The following COL24A1 variants were observed in gnomAD, a reference collection of about 807,000 sequenced individuals.
COL24A1 encodes collagen alpha-1(XXIV) chain.
In COL24A1, 224 loss-of-function variants were observed where a neutral mutation model predicts 253.9. The observed-to-expected ratio is 0.88, with a 90% CI of 0.79 to 0.99. The LOEUF (loss-of-function observed/expected upper bound fraction) is 0.99. Ranked by LOEUF, COL24A1 falls within the 50% of genes least tolerant of loss-of-function variation. COL24A1 has a pLI of 0.00. For missense variants in COL24A1, 2,131 were observed against 2,068.5 expected (o/e 1.03, Z -0.59); for synonymous variants, 685 against 673.7 (o/e 1.02, Z -0.26).
chr1:85,747,007 C>A (rs1665292127), intron 55 of COL24A1, among the ~76,000 whole-genome samples: 1 of 150,842 alleles, frequency 6.6e-6, no homozygotes, highest in African/African-American at 2.4e-5. Context: ...TAGTGGTTCT[C>A]AAACTCTTCA....
intron 35 of COL24A1, among the ~76,000 whole-genome samples, chr1:85,872,537 C>A (rs536545151): frequency 3.6e-4 from 54 of 152,108 alleles, no homozygotes; most frequent in Non-Finnish European, 4.6e-4. Context: ...AACACCACAT[C>A]TCTACAACCA....
At chr1:85,784,203 A>C in intron 49 of COL24A1, 37 bp from the exon 50 acceptor site, 2 of 1,611,840 alleles carry the variant, frequency 1.2e-6, no homozygotes. Flanking sequence ...ATTATTGTAC[A>C]ATGGCAGCCT....
At chr1:86,045,766 T>C in intron 12 of COL24A1, 1 of 373,230 alleles carries the variant, frequency 2.7e-6, no homozygotes, top group Non-Finnish European at 5.3e-6. Flanking sequence ...GCTTATTTTG[T>C]ATTTCTTGAC....
At position 85,876,479 on chromosome 1, in the gene COL24A1, A is replaced by T. The variant is rs1234557521; in HGVS notation, c.3030+643T>A. Reference sequence around the variant, plus strand: ...ATCTAGGTGGATGTTTAAAAAGATAACAGGAAATCAATAATTGGATCTGAG... The same window carrying T: ...ATCTAGGTGGATGTTTAAAAAGATATCAGGAAATCAATAATTGGATCTGAG... On this transcript the variant is annotated intron_variant, in intron 33 of 59. Transcript: ENST00000370571. Among the ~76,000 whole-genome samples, 4 of 152,188 alleles carry T rather than the reference A, an allele frequency of 2.6e-5. 1 individual carries two copies. In the South Asian group the frequency reaches 6.2e-4, roughly 24 times the overall value.
intron 37 of COL24A1, among the ~76,000 whole-genome samples, chr1:85,854,644 A>T (rs2102375618): frequency 6.6e-6 from 1 of 151,584 alleles, no homozygotes; most frequent in South Asian, 2.1e-4. Flanking sequence ...GATTTCTTTC[A>T]GCAGTGTCTT....
chr1:85,851,024 C>CATATATATATATATCTACAT (rs149854934), intron 37 of COL24A1, among the ~76,000 whole-genome samples: 1 of 146,054 alleles, frequency 6.8e-6, no homozygotes, highest in East Asian at 2.0e-4. Flanking sequence ...TATATATCTA[C>CATATATATATATATCTACAT]ATATATATAT....
intron 24 of COL24A1, among the ~76,000 whole-genome samples, chr1:85,913,949 G>GCTT (rs1685613898): frequency 6.6e-6 from 1 of 152,162 alleles, no homozygotes; most frequent in Non-Finnish European, 1.5e-5. Flanking sequence ...AGTGTTGGAG[G>GCTT]CTTAGAAGTC....
At chr1:86,086,391 C>G (rs1282853554) in intron 7 of COL24A1, among the ~76,000 whole-genome samples, 1 of 152,070 alleles carries the variant, frequency 6.6e-6, no homozygotes, top group Non-Finnish European at 1.5e-5. Flanking sequence ...GCGTGGCAAG[C>G]CCACCCCTGA....
chr1:85,956,142 A>G (rs905849165), intron 24 of COL24A1, among the ~76,000 whole-genome samples: 2 of 152,256 alleles, frequency 1.3e-5, no homozygotes, highest in Non-Finnish European at 2.9e-5. Flanking sequence ...ATTTGGATAC[A>G]TTACATAACT....
chr1:85,737,605 C>A, intron 57 of COL24A1, 100 bp from the exon 58 acceptor site: 1 of 844,102 alleles, frequency 1.2e-6, no homozygotes, highest in South Asian at 2.0e-5. Flanking sequence ...TTCTGTTAGC[C>A]CAGGCTGGAG....
chr1:85,964,033 C>T (rs1037892211), intron 23 of COL24A1, among the ~76,000 whole-genome samples: 2 of 152,136 alleles, frequency 1.3e-5, no homozygotes, highest in South Asian at 2.1e-4. Flanking sequence ...TATATTAAAA[C>T]ATACTTCAGC....
intron 2 of COL24A1, among the ~76,000 whole-genome samples, chr1:86,145,646 G>T (rs1651774139): frequency 6.6e-6 from 1 of 151,892 alleles, no homozygotes; most frequent in Non-Finnish European, 1.5e-5. Flanking sequence ...AACAAAACAG[G>T]TTTAGGTTTA....
In COL24A1 at chr1:85,868,657, G is replaced by A. The variant is rs777337884; in HGVS notation, c.3193-31C>T. The stretch of plus-strand genomic sequence containing the variant: ...ATGCAATAAAAAAGTTTTCTATAAA[G>A]GAATACAGTGAAATAATTATGCCAA... On this transcript the variant is annotated intron_variant, in intron 36 of 59. Coordinates refer to ENST00000370571, the MANE Select transcript of COL24A1 (RefSeq NM_152890.7). 1.9e-6 allele frequency: 3 copies of A among 1,567,206 alleles called. No individual in the cohort carries two copies. In the Admixed American group the frequency reaches 5.1e-5, roughly 27 times the overall value.
At chr1:85,823,454 A>G in intron 45 of COL24A1, 82 bp downstream of exon 45, 2 of 1,281,510 alleles carry the variant, frequency 1.6e-6, no homozygotes, top group Non-Finnish European at 2.3e-6. Context: ...TTTGAATTAC[A>G]ATAAATAGTA....
chr1:85,825,169 C>T (rs191739293), intron 43 of COL24A1, among the ~76,000 whole-genome samples: 4 of 148,850 alleles, frequency 2.7e-5, no homozygotes, highest in Admixed American at 1.4e-4. Context: ...TGAGAATATG[C>T]GGTGTTTGGT....
At position 85,942,034 on chromosome 1, in the gene COL24A1, G is replaced by A. The variant is rs118026531; in HGVS notation, c.2562+19215C>T. On this transcript the variant is annotated intron_variant, in intron 24 of 59. Coordinates refer to ENST00000370571, the MANE Select transcript of COL24A1 (RefSeq NM_152890.7). ...CCACAGTGTACTTAAACATAGGAAC[G>A]TTAAAGTATTTACTTGTTTAAGTTA... 1.5e-3 allele frequency among the ~76,000 whole-genome samples: 224 copies of A among 152,174 alleles called. 3 individuals carry two copies. In the East Asian group the frequency reaches 0.02, roughly 14 times the overall value.
intron 1 of COL24A1, among the ~76,000 whole-genome samples, chr1:86,151,775 A>G (rs1467059241): frequency 2.0e-5 from 3 of 152,208 alleles, no homozygotes; most frequent in Non-Finnish European, 4.4e-5. Flanking sequence ...CTAAGGTATT[A>G]TAACTTATGT....
intron 8 of COL24A1, 29 bp downstream of exon 8, chr1:86,063,686 G>C: frequency 4.1e-6 from 6 of 1,477,160 alleles, no homozygotes; most frequent in Non-Finnish European, 5.5e-6. Flanking sequence ...TTTCACACAT[G>C]ATACAAGTCT....
intron 37 of COL24A1, among the ~76,000 whole-genome samples, chr1:85,856,824 T>C (rs1189146143): frequency 1.3e-5 from 2 of 152,184 alleles, no homozygotes; most frequent in Non-Finnish European, 2.9e-5. Context: ...TAAAATAATA[T>C]TTTTCTGTTT....
Sources: allele counts gnomAD v4.1 joint callset (sites outside exome capture counted in the v4.1 genomes callset), GRCh38; gene constraint gnomAD v4.1.1; transcripts MANE v1.5; gene names NCBI Gene and HGNC (gene_info 2026-07-23, HGNC 2026-07-21).